Variants in SLC22A14 observed in about 807,000 individuals in gnomAD.
SLC22A14 encodes organic cation transporter-like 4.
In SLC22A14, 50 loss-of-function variants were observed where a neutral mutation model predicts 53.9. The observed-to-expected ratio is 0.93, with a 90% CI of 0.74 to 1.17. SLC22A14 has a LOEUF of 1.17. SLC22A14 is among the 50% of genes most tolerant of loss of function. The pLI, the probability that SLC22A14 is intolerant of heterozygous loss-of-function variation, is 0.00. For synonymous variants in SLC22A14, 312 were observed against 303.0 expected, an observed-to-expected ratio of 1.03 and a Z score of -0.31; for missense variants, 671 against 734.7, an observed-to-expected ratio of 0.91 and a Z score of 1.00.
chr3:38,306,698 C>T (rs1333117023), intron 2 of SLC22A14, among the ~76,000 whole-genome samples, 156 bp downstream of exon 2: 1 of 152,210 alleles, frequency 6.6e-6, no homozygotes, highest in Admixed American at 6.5e-5. Flanking sequence ...AAATTAGATT[C>T]CTGTTGCCCA....
In SLC22A14 at chr3:38,313,411, G is replaced by A. The variant is rs747949499; in HGVS notation, c.1089G>A (p.Val363=). The change falls in exon 7 of 11, where the codon GTG becomes GTA. Residue 363 remains valine (V), a synonymous_variant. Transcript: ENST00000448498. The part of the protein sequence containing the change: ...LDELQLPRKK[V]TRASVLDFCK... ...AGCTGCAGCTGCCCAGAAAGAAGGT[G>A]ACTCGGGCCTCTGTCCTGGACTTCT... The A allele has an allele frequency of 5.0e-6, 8 of 1,613,662 alleles. No individual in the cohort carries two copies. In the African/African-American group the frequency reaches 8.0e-5, roughly 16 times the overall value.
intron 1 of SLC22A14, among the ~76,000 whole-genome samples, chr3:38,298,955 AGAACTGCAAATCCATC>A (rs1704103066): frequency 6.6e-6 from 1 of 152,250 alleles, no homozygotes. Flanking sequence ...ACATAGTTTC[AGAACTGCAAATCCATC>A]TCTGCGAGAA....
chr3:38,315,083 A>G (rs1704582827), intron 8 of SLC22A14, among the ~76,000 whole-genome samples: 1 of 152,202 alleles, frequency 6.6e-6, no homozygotes, highest in African/African-American at 2.4e-5. Context: ...GCCGGAGAAC[A>G]TCCTGGAATG....
At chr3:38,293,465 G>A (rs769059150) in intron 1 of SLC22A14, among the ~76,000 whole-genome samples, 15 of 152,090 alleles carry the variant, frequency 9.9e-5, no homozygotes, top group African/African-American at 1.7e-4. Context: ...GTTTTGCTCC[G>A]GGCCTAAGGC....
chr3:38,293,716 ATGTC>A (rs930686744), intron 1 of SLC22A14, among the ~76,000 whole-genome samples: 1 of 150,978 alleles, frequency 6.6e-6, no homozygotes, highest in African/African-American at 2.4e-5. Context: ...AAGTTAGCAA[ATGTC>A]TGCGGCACCA....
chr3:38,296,129 C>T (rs777216289), intron 1 of SLC22A14, among the ~76,000 whole-genome samples: 1 of 152,194 alleles, frequency 6.6e-6, no homozygotes, highest in Non-Finnish European at 1.5e-5. Context: ...TCAAGAAAGT[C>T]GTGGTTGGGA....
upstream of SLC22A14, chr3:38,282,193 T>A (rs185842226): frequency 2.0e-5 from 3 of 152,384 alleles, no homozygotes; most frequent in Admixed American, 6.5e-5. Flanking sequence ...CTACAGCCAG[T>A]TGTGTCCCTG....
intron 1 of SLC22A14, among the ~76,000 whole-genome samples, chr3:38,293,865 C>T (rs765897633): frequency 7.2e-5 from 11 of 152,154 alleles, no homozygotes; most frequent in East Asian, 1.9e-4. Context: ...GCCAAACTCG[C>T]GGGCTCCAGT....
chr3:38,307,261 T>C lies in SLC22A14; in HGVS notation c.524T>C (p.Leu175Ser). 2 of 1,613,174 alleles carry C rather than the reference T, an allele frequency of 1.2e-6. No homozygotes were observed. Among genetic ancestry groups the C allele is most frequent in the South Asian group, 1.1e-5 (1 of 91,062 alleles). The change falls in exon 3 of 11, where the codon TTG becomes TCG. Residue 175 changes from leucine (L) to serine (S), a missense_variant. Transcript: ENST00000448498. The surrounding 1 kb of genome is among the most constrained non-coding windows in gnomAD (Gnocchi z 4.4). Reference sequence around the variant, plus strand: ...TCTGTGTCTGACCCACAGTTTGACTTGGTATGTGGCATGGAGACGAAGAAG... The same window carrying C: ...TCTGTGTCTGACCCACAGTTTGACTCGGTATGTGGCATGGAGACGAAGAAG... ...KKRSLINEFD[L>S]VCGMETKKDT...
chr3:38,284,659 G>A (rs1011626014), intron 1 of SLC22A14, among the ~76,000 whole-genome samples: 1 of 152,110 alleles, frequency 6.6e-6, no homozygotes, highest in Non-Finnish European at 1.5e-5. Context: ...CCCGTGAGAC[G>A]AAGGACCAGA....
At chr3:38,309,206 G>T in intron 5 of SLC22A14, 84 bp downstream of exon 5, 1 of 1,192,880 alleles carries the variant, frequency 8.4e-7, no homozygotes. Flanking sequence ...TGAAGCTGTG[G>T]GAATGGGTGG....
chr3:38,313,388 C>A lies in SLC22A14; in HGVS notation c.1066C>A (p.Leu356Met). 6.2e-7 allele frequency: 1 copy of A among 1,611,512 alleles called. No homozygotes were observed. The highest frequency in any genetic ancestry group is 8.5e-7 in the Non-Finnish European group (1 of 1,177,806). ...KTIPSNLLDE[L>M]QLPRKKVTRA... Reference sequence around the variant, plus strand: ...CTGACTGGTCCTGCTTGTTCTGTAGCTGCAGCTGCCCAGAAAGAAGGTGAC... The same window carrying A: ...CTGACTGGTCCTGCTTGTTCTGTAGATGCAGCTGCCCAGAAAGAAGGTGAC... Residue 356 changes from leucine (L) to methionine (M), a missense_variant and splice_region_variant, in exon 7 of 11, where the codon CTG becomes ATG. Transcript: ENST00000448498.
At chr3:38,312,047 G>C (rs796356874) in intron 5 of SLC22A14, among the ~76,000 whole-genome samples, 32 of 152,344 alleles carry the variant, frequency 2.1e-4, no homozygotes, top group African/African-American at 7.0e-4. Context: ...GAGAGGAGGA[G>C]CAGGGCAGGT....
At chr3:38,296,302 G>A (rs1348120220) in intron 1 of SLC22A14, among the ~76,000 whole-genome samples, 1 of 152,186 alleles carries the variant, frequency 6.6e-6, no homozygotes, top group Non-Finnish European at 1.5e-5. Flanking sequence ...AAAATTGAAA[G>A]TGGAAGCTGG....
intron 1 of SLC22A14, among the ~76,000 whole-genome samples, chr3:38,288,090 A>C (rs1051344724): frequency 1.3e-5 from 2 of 152,154 alleles, no homozygotes; most frequent in African/African-American, 2.4e-5. Flanking sequence ...ACTACATAAT[A>C]ACTCCCCTTT....
intron 1 of SLC22A14, among the ~76,000 whole-genome samples, chr3:38,296,968 T>C (rs1418272604): frequency 6.6e-6 from 1 of 152,146 alleles, no homozygotes; most frequent in Non-Finnish European, 1.5e-5. Flanking sequence ...AAAGCTCAGC[T>C]CAAGCTGTAA....
intron 1 of SLC22A14, among the ~76,000 whole-genome samples, chr3:38,296,556 G>T (rs752900217): frequency 6.7e-5 from 10 of 150,158 alleles, no homozygotes; most frequent in Non-Finnish European, 1.2e-4. Context: ...GTTACTGGGG[G>T]TCCTTGCTTC....
At chr3:38,294,774 C>G (rs990209359) in intron 1 of SLC22A14, among the ~76,000 whole-genome samples, 2 of 152,096 alleles carry the variant, frequency 1.3e-5, no homozygotes, top group Non-Finnish European at 2.9e-5. Context: ...CTGCTGGTTT[C>G]TAGTGGTACT....
intron 1 of SLC22A14, among the ~76,000 whole-genome samples, chr3:38,292,050 G>T (rs1703924679): frequency 6.6e-6 from 1 of 152,244 alleles, no homozygotes; most frequent in Non-Finnish European, 1.5e-5. Flanking sequence ...GCAGAGCTGA[G>T]CCTTTGGTTT....
Sources: allele counts gnomAD v4.1 joint callset (sites outside exome capture counted in the v4.1 genomes callset), GRCh38; gene constraint gnomAD v4.1.1; non-coding constraint Gnocchi (gnomAD v3.1); transcripts MANE v1.5; gene names NCBI Gene and HGNC (gene_info 2026-07-23, HGNC 2026-07-21).